MPRIP: variants seen among roughly 807,000 people sequenced by gnomAD.
MPRIP encodes myosin phosphatase Rho-interacting protein.
In MPRIP, 59 loss-of-function variants were observed where a neutral mutation model predicts 234.9. The observed-to-expected ratio is 0.25, with a 90% CI of 0.20 to 0.31. MPRIP has a LOEUF of 0.31. Among genes scored for constraint, MPRIP ranks in the 10% least tolerant of loss-of-function variants. The pLI, the probability that MPRIP is intolerant of heterozygous loss-of-function variation, is 1.00. For synonymous variants in MPRIP, 1,144 were observed against 1,263.9 expected, an observed-to-expected ratio of 0.91 and a Z score of 2.01; for missense variants, 2,436 against 3,071.0, an observed-to-expected ratio of 0.79 and a Z score of 4.89.
intron 3 of MPRIP, among the ~76,000 whole-genome samples, chr17:17,091,801 G>A (rs1402155119): frequency 6.6e-6 from 1 of 152,168 alleles, no homozygotes; most frequent in Non-Finnish European, 1.5e-5. Flanking sequence ...TTGCAAGAAC[G>A]CCTTGGGTTT....
chr17:17,080,470 A>G (rs2089436635), intron 3 of MPRIP, among the ~76,000 whole-genome samples: 1 of 152,222 alleles, frequency 6.6e-6, no homozygotes, highest in African/African-American at 2.4e-5. Flanking sequence ...TGTGTGGGTA[A>G]ACTCCAGCCA....
Position 17,165,437 on chromosome 17 carries a change from C to A in MPRIP, c.3846C>A (p.Ser1282Arg). The A allele has an allele frequency of 7.7e-7, 1 of 1,304,150 alleles. No homozygotes were observed. Among genetic ancestry groups the A allele is most frequent in the Non-Finnish European group, 1.0e-6 (1 of 988,932 alleles). The allele number at this position is 1,304,150 out of a possible 1,614,324, so 80.8% of individuals were successfully genotyped here. Residue 1282 changes from serine (S) to arginine (R), a missense_variant, in exon 16 of 24, where the codon AGC becomes AGA. Coordinates refer to ENST00000651222, the MANE Select transcript of MPRIP (RefSeq NM_001364716.4). ...CGGGGGAAGAGTACGGTGATGGCAG[C>A]CCCAGTAGGGAAGACAGCATGGTGC... ...APPGEEYGDG[S>R]PSREDSMVPP...
chr17:17,089,958 G>T (rs993467648), intron 3 of MPRIP, among the ~76,000 whole-genome samples: 1 of 152,166 alleles, frequency 6.6e-6, no homozygotes, highest in Non-Finnish European at 1.5e-5. Context: ...TCAAGTCAGC[G>T]TGGAAGCTGA....
chr17:17,075,018 T>C (rs767734900), intron 1 of MPRIP, among the ~76,000 whole-genome samples: 4 of 152,220 alleles, frequency 2.6e-5, no homozygotes, highest in Non-Finnish European at 5.9e-5. Context: ...GTGAAATTGC[T>C]GGGCCCTAGG....
chr17:17,063,748 A>G (rs770607560), intron 1 of MPRIP, among the ~76,000 whole-genome samples: 3 of 152,192 alleles, frequency 2.0e-5, no homozygotes, highest in Non-Finnish European at 4.4e-5. Context: ...GGAGCCACAA[A>G]CAGGCCACAC....
chr17:17,149,273 A>T (rs1254090257), intron 11 of MPRIP, among the ~76,000 whole-genome samples: 2 of 152,184 alleles, frequency 1.3e-5, no homozygotes, highest in African/African-American at 4.8e-5. Context: ...CAGGCGGATC[A>T]CCTGAGGTCA....
intron 3 of MPRIP, among the ~76,000 whole-genome samples, chr17:17,100,649 G>A (rs991773157): frequency 6.6e-6 from 1 of 151,874 alleles, no homozygotes; most frequent in Admixed American, 6.6e-5. Context: ...TAGGTTGTGT[G>A]CTCCTTATGA....
chr17:17,159,836 G>A (rs1384275010), intron 14 of MPRIP, among the ~76,000 whole-genome samples: 1 of 152,150 alleles, frequency 6.6e-6, no homozygotes, highest in South Asian at 2.1e-4. Flanking sequence ...TTAAAGATTT[G>A]CCACTTGGGT....
At position 17,126,867 on chromosome 17, in the gene MPRIP, C is replaced by T. The variant is rs1459416915; in HGVS notation, c.419+14C>T. On this transcript the variant is annotated intron_variant, in intron 4 of 23. Transcript: ENST00000651222. ...GATCGTCAGTGGGTGAGTATGCTGGCACTGTGGAACAAGGCACCACCACCT... is the reference window on the plus strand; with the variant it reads ...GATCGTCAGTGGGTGAGTATGCTGGTACTGTGGAACAAGGCACCACCACCT... The T allele has an allele frequency of 6.2e-7, 1 of 1,609,136 alleles. No homozygotes were observed.
In MPRIP at chr17:17,166,744, C is replaced by T. The variant is rs2046007386; in HGVS notation, c.5153C>T (p.Pro1718Leu). Residue 1718 changes from proline (P) to leucine (L), a missense_variant, in exon 16 of 24, where the codon CCA becomes CTA. Around this residue, in one of 4 missense-constraint regions of MPRIP, gnomAD observed 1,998 missense variants for 2,520.3 expected, o/e 0.79. Transcript: ENST00000651222. This position sits in a 1 kb window ranked among gnomAD's most constrained non-coding sequence, Gnocchi z 4.4. Reference sequence around the variant, plus strand: ...GAAATCCTGGGAGCCTACCAAACCCCAGACTTTGAAAGAGTGATGCAGCAG... The same window carrying T: ...GAAATCCTGGGAGCCTACCAAACCCTAGACTTTGAAAGAGTGATGCAGCAG... ...LREILGAYQT[P>L]DFERVMQQVL... 2 of 1,304,118 alleles carry T rather than the reference C, an allele frequency of 1.5e-6. No individual in the cohort carries two copies. Among genetic ancestry groups the T allele is most frequent in the Non-Finnish European group, 2.0e-6 (2 of 988,980 alleles). 80.8% of individuals were successfully genotyped at this position (1,304,118 alleles called of 1,614,324 possible). A position where few individuals can be genotyped will look rare whatever the true frequency, so the allele number is the denominator to read the frequency against.
At chr17:17,178,274 G>A (rs1370595365) in intron 22 of MPRIP, 1 of 151,958 alleles carries the variant, frequency 6.6e-6, no homozygotes. Flanking sequence ...ATACAGAGAC[G>A]CACAAACAGG....
At chr17:17,057,251 C>T (rs755684698) in intron 1 of MPRIP, among the ~76,000 whole-genome samples, 2 of 152,226 alleles carry the variant, frequency 1.3e-5, no homozygotes, top group Non-Finnish European at 2.9e-5. Flanking sequence ...AAACTGGGTT[C>T]CTGGACCATC....
At chr17:17,047,326 C>T (rs758263146) in intron 1 of MPRIP, among the ~76,000 whole-genome samples, 1 of 152,148 alleles carries the variant, frequency 6.6e-6, no homozygotes, top group Non-Finnish European at 1.5e-5. Context: ...TATTTTTTCC[C>T]AGAATGCCAC....
rs2046525413 is a variant in MPRIP, at chr17:17,188,693, G to A, written c.*3799G>A. On this transcript the variant is annotated 3_prime_UTR_variant, in exon 24 of 24. Coordinates refer to ENST00000651222, the MANE Select transcript of MPRIP (RefSeq NM_001364716.4). ...GGGACTCTTAACTTTTGGGTACATGGAAACATGCTGAAAACTGAACACAAT... is the reference window on the plus strand; with the variant it reads ...GGGACTCTTAACTTTTGGGTACATGAAAACATGCTGAAAACTGAACACAAT... 1 of 152,242 alleles carries A rather than the reference G, an allele frequency of 6.6e-6. No homozygotes were observed. Among genetic ancestry groups the A allele is most frequent in the Non-Finnish European group, 1.5e-5 (1 of 68,040 alleles). 9.4% of individuals were successfully genotyped at this position (152,242 alleles called of 1,614,324 possible). A position where few individuals can be genotyped will look rare whatever the true frequency, so the allele number is the denominator to read the frequency against.
chr17:17,166,907 T>G lies in MPRIP; in HGVS notation c.5316T>G (p.Pro1772=). The G allele has an allele frequency of 7.7e-7, 1 of 1,304,176 alleles. No homozygotes were observed. Among genetic ancestry groups the G allele is most frequent in the Non-Finnish European group, 1.0e-6 (1 of 988,944 alleles). 80.8% of individuals were successfully genotyped at this position (1,304,176 alleles called of 1,614,324 possible). ...CCTTCGATGTGTCTGACCAGAGCCC[T>G]GGGGCCTTTGTTGCTATTCAGGAGG... The part of the protein sequence containing the change: ...QEPFDVSDQS[P]GAFVAIQEEL... The change falls in exon 16 of 24, where the codon CCT becomes CCG. Residue 1772 remains proline (P), a synonymous_variant. Transcript: ENST00000651222. This position sits in a 1 kb window ranked among gnomAD's most constrained non-coding sequence, Gnocchi z 4.4.
At chr17:17,047,031 A>G (rs2088374066) in intron 1 of MPRIP, among the ~76,000 whole-genome samples, 1 of 152,118 alleles carries the variant, frequency 6.6e-6, no homozygotes, top group South Asian at 2.1e-4. Context: ...TACAAAAACT[A>G]GCTGGGTGTG....
rs773497121 is a variant in MPRIP, at chr17:17,191,045, A to C, written c.*6151A>C. 1 of 152,220 alleles carries C rather than the reference A, an allele frequency of 6.6e-6. No homozygotes were observed. The highest frequency in any genetic ancestry group is 2.4e-5 in the African/African-American group (1 of 41,458). The allele number at this position is 152,220 out of a possible 1,614,324, so 9.4% of individuals were successfully genotyped here. On this transcript the variant is annotated 3_prime_UTR_variant, in exon 24 of 24. Transcript: ENST00000651222. ...ACCGTTGAAGCCCGCCCAGCATTAT[A>C]AGGAAATGTTTTTAATGACTGCTGC...
chr17:17,152,464 T>G (rs2045624664), intron 12 of MPRIP, among the ~76,000 whole-genome samples: 2 of 152,344 alleles, frequency 1.3e-5, no homozygotes, highest in East Asian at 3.9e-4. Flanking sequence ...CTGATGACTT[T>G]CGGTGATCCC....
chr17:17,057,273 G>T (rs554193070), intron 1 of MPRIP, among the ~76,000 whole-genome samples: 3 of 152,242 alleles, frequency 2.0e-5, no homozygotes, highest in African/African-American at 7.2e-5. Context: ...CTCAAGAGTC[G>T]CACACATGAA....
Sources: allele counts gnomAD v4.1 joint callset (sites outside exome capture counted in the v4.1 genomes callset), GRCh38; gene constraint gnomAD v4.1.1; regional missense constraint gnomAD v4.1.1; non-coding constraint Gnocchi (gnomAD v3.1); transcripts MANE v1.5; gene names NCBI Gene and HGNC (gene_info 2026-07-23, HGNC 2026-07-21).